Variants in GPC6 observed in about 807,000 individuals in gnomAD.
The protein encoded by GPC6 is glypican 6, also known as glypican-6.
Under a neutral mutation model 55.2 loss-of-function variants are expected in GPC6, and 14 were observed. The ratio of observed to expected loss-of-function variants is 0.25; its 90% CI spans 0.17 to 0.40. The LOEUF is 0.40. GPC6 is among the 10% of genes least tolerant of loss of function. The pLI is 1.00. For missense variants in GPC6, 641 were observed against 708.5 expected (o/e 0.90, Z 1.08); for synonymous variants, 278 against 259.6 (o/e 1.07, Z -0.68).
chr13:94,039,815 C>T (rs573931787), intron 4 of GPC6, among the ~76,000 whole-genome samples: 1 of 152,006 alleles, frequency 6.6e-6, no homozygotes, highest in South Asian at 2.1e-4. Flanking sequence ...CCTGTGAAAT[C>T]ATACTGCCTT....
intron 3 of GPC6, among the ~76,000 whole-genome samples, chr13:94,009,133 A>T (rs1198681931): frequency 6.6e-6 from 1 of 152,134 alleles, no homozygotes; most frequent in African/African-American, 2.4e-5. Flanking sequence ...TTTGTTGCAA[A>T]TTTTTTCCTT....
chr13:93,597,007 CAAAAAAA>C (rs10709473), intron 2 of GPC6, among the ~76,000 whole-genome samples: 7,024 of 68,140 alleles, frequency 0.1, 642 homozygotes, highest in African/African-American at 0.25. Flanking sequence ...TCAAATCTGG[CAAAAAAA>C]AAAAAAAAAA....
At chr13:94,203,273 T>C (rs1210205123) in intron 4 of GPC6, among the ~76,000 whole-genome samples, 1 of 151,592 alleles carries the variant, frequency 6.6e-6, no homozygotes, top group African/African-American at 2.4e-5. Flanking sequence ...AAAAAAATAC[T>C]GACCCAGGTT....
At chr13:93,820,672 T>G (rs1468919560) in intron 2 of GPC6, among the ~76,000 whole-genome samples, 10 of 107,264 alleles carry the variant, frequency 9.3e-5, no homozygotes, top group African/African-American at 2.6e-4. Flanking sequence ...CAAAGTAGGG[T>G]TTTTTTTTTT....
chr13:93,390,813 A>T (rs953349471), intron 1 of GPC6, among the ~76,000 whole-genome samples: 2 of 151,522 alleles, frequency 1.3e-5, no homozygotes, highest in African/African-American at 4.8e-5. Context: ...AAAAAAAAAA[A>T]TCTTGGGGAC....
At chr13:93,866,747 T>C (rs1888977817) in intron 3 of GPC6, among the ~76,000 whole-genome samples, 1 of 151,422 alleles carries the variant, frequency 6.6e-6, no homozygotes, top group Non-Finnish European at 1.5e-5. Flanking sequence ...AGGGAGAAAA[T>C]CAGGAAAAAT....
intron 4 of GPC6, among the ~76,000 whole-genome samples, chr13:94,278,152 A>C (rs1001068279): frequency 6.6e-6 from 1 of 152,136 alleles, no homozygotes; most frequent in Non-Finnish European, 1.5e-5. Flanking sequence ...GGTCCTTCAC[A>C]TCCCTTGTTA....
At chr13:93,391,113 G>A (rs1001104550) in intron 1 of GPC6, among the ~76,000 whole-genome samples, 12 of 151,976 alleles carry the variant, frequency 7.9e-5, no homozygotes, top group African/African-American at 2.4e-4. Context: ...AAAAAAGGGA[G>A]TTCATCATGG....
chr13:93,780,397 G>T (rs936364305), intron 2 of GPC6, among the ~76,000 whole-genome samples: 4 of 151,996 alleles, frequency 2.6e-5, no homozygotes, highest in Admixed American at 1.3e-4. Context: ...CATCATTGTG[G>T]ATTTATTTTT....
chr13:94,007,118 A>G (rs1000921975), intron 3 of GPC6, among the ~76,000 whole-genome samples: 1 of 152,210 alleles, frequency 6.6e-6, no homozygotes, highest in Non-Finnish European at 1.5e-5. Flanking sequence ...CTTAGATCCA[A>G]TCACCTTCCT....
intron 2 of GPC6, among the ~76,000 whole-genome samples, chr13:93,718,127 C>T (rs1594397447): frequency 6.6e-6 from 1 of 151,740 alleles, no homozygotes; most frequent in Non-Finnish European, 1.5e-5. Context: ...ATTATACCCA[C>T]TAATGGAATT....
chr13:93,676,126 A>AAAAATAT (rs1881602576), intron 2 of GPC6, among the ~76,000 whole-genome samples: 2 of 15,682 alleles, frequency 1.3e-4, no homozygotes, highest in Admixed American at 2.5e-3. Flanking sequence ...AAAAAAAAAA[A>AAAAATAT]ATATATATAT....
intron 2 of GPC6, among the ~76,000 whole-genome samples, chr13:93,776,352 AC>A (rs1328125596): frequency 3.9e-5 from 6 of 152,188 alleles, no homozygotes; most frequent in African/African-American, 1.4e-4. Context: ...TCCTCATCTT[AC>A]AGATGAAACT....
chr13:94,223,033 T>C (rs1024816795), intron 4 of GPC6, among the ~76,000 whole-genome samples: 3 of 152,142 alleles, frequency 2.0e-5, no homozygotes, highest in African/African-American at 7.2e-5. Flanking sequence ...TGGGAACCTT[T>C]TAAAGAAGAA....
rs146744904 is a variant in GPC6 at position 93,578,553 on chromosome 13, A to T, written c.319+33132A>T. Among the ~76,000 whole-genome samples, 677 of 150,280 alleles carry T rather than the reference A, an allele frequency of 4.5e-3. 4 individuals are homozygous for T. The highest frequency in any genetic ancestry group is 0.021 in the Middle Eastern group (6 of 286). On this transcript the variant is annotated intron_variant, in intron 2 of 8. Coordinates refer to ENST00000377047, the MANE Select transcript of GPC6 (RefSeq NM_005708.5). The stretch of plus-strand genomic sequence containing the variant: ...CTCAGTTCTTATGTCTCTTATTTTC[A>T]TTTTTTATTTTATTTGGGTCTTTTT...
chr13:94,101,120 C>T (rs1885840289), intron 4 of GPC6, among the ~76,000 whole-genome samples: 1 of 152,238 alleles, frequency 6.6e-6, no homozygotes, highest in African/African-American at 2.4e-5. Flanking sequence ...TTTCTTTCTG[C>T]CCATGCAGTG....
chr13:93,786,514 T>A (rs546283231), intron 2 of GPC6, among the ~76,000 whole-genome samples: 1 of 152,014 alleles, frequency 6.6e-6, no homozygotes, highest in Admixed American at 6.6e-5. Context: ...GCTAATGAAA[T>A]GACCTAAGCT....
At chr13:94,401,990 C>T (rs1881156988) in intron 8 of GPC6, among the ~76,000 whole-genome samples, 1 of 152,064 alleles carries the variant, frequency 6.6e-6, no homozygotes, top group Non-Finnish European at 1.5e-5. Context: ...TTATGGATAT[C>T]TATAAAATAT....
intron 1 of GPC6, among the ~76,000 whole-genome samples, chr13:93,240,318 G>T (rs563138647): frequency 6.6e-6 from 1 of 152,140 alleles, no homozygotes; most frequent in East Asian, 1.9e-4. Context: ...TTAGGTGTAT[G>T]TTTATTTAAG....
Sources: allele counts gnomAD v4.1 joint callset (sites outside exome capture counted in the v4.1 genomes callset), GRCh38; gene constraint gnomAD v4.1.1; transcripts MANE v1.5; gene names NCBI Gene and HGNC (gene_info 2026-07-23, HGNC 2026-07-21).